Variants in FTO observed in about 807,000 individuals in gnomAD.
The protein encoded by FTO is alpha-ketoglutarate-dependent dioxygenase FTO.
In FTO, 47 loss-of-function variants were observed where a neutral mutation model predicts 63.9. The ratio of observed to expected loss-of-function variants is 0.74; its 90% CI spans 0.58 to 0.94. The LOEUF (loss-of-function observed/expected upper bound fraction) is 0.94, where lower values mean the gene tolerates loss of function less well. FTO is among the 40% of genes least tolerant of loss of function. FTO has a pLI of 0.00. For synonymous variants in FTO, 207 were observed against 224.4 expected (o/e 0.92, Z 0.69); for missense variants, 562 against 618.1 (o/e 0.91, Z 0.96).
intron 7 of FTO, among the ~76,000 whole-genome samples, chr16:53,930,043 A>G (rs2082242291): frequency 6.6e-6 from 1 of 152,044 alleles, no homozygotes; most frequent in African/African-American, 2.4e-5. Context: ...TGTTTATGTG[A>G]TTATGTCAAG....
chr16:54,092,606 C>G (rs2086416664), intron 8 of FTO, among the ~76,000 whole-genome samples: 1 of 152,162 alleles, frequency 6.6e-6, no homozygotes, highest in Non-Finnish European at 1.5e-5. Context: ...ACACTGTACC[C>G]ACCATGGAGA....
intron 4 of FTO, among the ~76,000 whole-genome samples, chr16:53,857,833 T>G (rs963197630): frequency 1.3e-5 from 2 of 152,216 alleles, no homozygotes; most frequent in Middle Eastern, 3.2e-3. Context: ...ATAAAGGTAT[T>G]CTGTGCATGG....
At chr16:54,053,682 A>G (rs1388463846) in intron 8 of FTO, among the ~76,000 whole-genome samples, 1 of 152,188 alleles carries the variant, frequency 6.6e-6, no homozygotes, top group Non-Finnish European at 1.5e-5. Flanking sequence ...AGGAAGTTAC[A>G]CGTGTAACTG....
intron 7 of FTO, among the ~76,000 whole-genome samples, chr16:53,926,221 A>G (rs2082134614): frequency 6.6e-6 from 1 of 152,128 alleles, no homozygotes; most frequent in African/African-American, 2.4e-5. Flanking sequence ...GCATATACTC[A>G]TTTTTCTTGA....
intron 7 of FTO, among the ~76,000 whole-genome samples, chr16:53,915,026 A>G (rs1402259585): frequency 6.6e-6 from 1 of 152,210 alleles, no homozygotes; most frequent in East Asian, 1.9e-4. Flanking sequence ...AACTTATTGT[A>G]AAAGAGCCAC....
chr16:53,823,253 C>G (rs2078915460), intron 2 of FTO, among the ~76,000 whole-genome samples: 2 of 152,182 alleles, frequency 1.3e-5, no homozygotes, highest in Admixed American at 1.3e-4. Context: ...GTACCCCGCC[C>G]TTCTAGAAAT....
intron 8 of FTO, among the ~76,000 whole-genome samples, chr16:54,026,810 C>T (rs1431053652): frequency 6.6e-6 from 1 of 152,136 alleles, no homozygotes; most frequent in South Asian, 2.1e-4. Flanking sequence ...TTTCTTCTTG[C>T]CCAAAACATT....
In FTO at chr16:53,789,335, C is replaced by T. The variant is rs144274289; in HGVS notation, c.46-20805C>T. Among the ~76,000 whole-genome samples the T allele has an allele frequency of 8.1e-3, 1,237 of 152,240 alleles. 21 individuals carry two copies. The highest frequency in any genetic ancestry group is 0.061 in the South Asian group (295 of 4,816). Reference sequence around the variant, plus strand: ...ACAAGTACTACTTGTCTTTTCAGAGCGCTGTCATGGAGCTGTAAGTCTCTT... The same window carrying T: ...ACAAGTACTACTTGTCTTTTCAGAGTGCTGTCATGGAGCTGTAAGTCTCTT... On this transcript the variant is annotated intron_variant, in intron 1 of 8. Coordinates refer to ENST00000471389, the MANE Select transcript of FTO (RefSeq NM_001080432.3).
At chr16:53,886,400 C>G (rs1003366745) in intron 6 of FTO, among the ~76,000 whole-genome samples, 1 of 152,200 alleles carries the variant, frequency 6.6e-6, no homozygotes, top group Non-Finnish European at 1.5e-5. Context: ...TGCTAACAGG[C>G]TCTTTCCATA....
rs1165361650 is a variant in FTO at position 54,118,224 on chromosome 16, T to G, written c.*6309T>G. On this transcript the variant is annotated 3_prime_UTR_variant, in exon 9 of 9. Transcript: ENST00000471389. Reference sequence around the variant, plus strand: ...CTAGGACAGCAAGGTGCCCTACAGGTGGGGCCAAAAGGGTCAAGACCGTTC... The same window carrying G: ...CTAGGACAGCAAGGTGCCCTACAGGGGGGGCCAAAAGGGTCAAGACCGTTC... 6.6e-6 allele frequency: 1 copy of G among 152,088 alleles called. No individual in the cohort carries two copies. Among genetic ancestry groups the G allele is most frequent in the Non-Finnish European group, 1.5e-5 (1 of 68,020 alleles). The allele number at this position is 152,088 out of a possible 1,614,324, so 9.4% of individuals were successfully genotyped here. A position where few individuals can be genotyped will look rare whatever the true frequency, so the allele number is the denominator to read the frequency against.
rs149711762 is a variant in FTO at position 53,826,052 on chromosome 16, C to T, written c.312C>T (p.Cys104=). Residue 104 remains cysteine, a synonymous_variant, in exon 3 of 9, where the codon TGC becomes TGT. Transcript: ENST00000471389. ...GCATCCTCATTGGTAATCCAGGCTG[C>T]ACCTACAAGTACCTGAACACCAGGC... ...VSRILIGNPG[C]TYKYLNTRLF... 80 of 1,614,140 alleles carry T rather than the reference C, an allele frequency of 5.0e-5. No homozygotes were observed. The highest frequency in any genetic ancestry group is 4.0e-4 in the African/African-American group (30 of 75,020).
chr16:53,823,778 C>T (rs1287956233), intron 2 of FTO, among the ~76,000 whole-genome samples: 2 of 152,168 alleles, frequency 1.3e-5, no homozygotes, highest in Non-Finnish European at 2.9e-5. Context: ...CTCAGCTACT[C>T]GGGCGGCTGA....
intron 1 of FTO, among the ~76,000 whole-genome samples, chr16:53,757,685 A>G (rs961863102): frequency 3.9e-5 from 6 of 152,150 alleles, no homozygotes. Flanking sequence ...ACACCTCTAA[A>G]GCGTTATGAT....
rs371663242 is a variant in FTO, at chr16:54,091,315, CAGA to C, written c.1365-20444_1365-20442del. On this transcript the variant is annotated intron_variant, in intron 8 of 8. Coordinates refer to ENST00000471389, the MANE Select transcript of FTO (RefSeq NM_001080432.3). ...ATCCCAGGACTTTGGGAGGCCAAGA[CAGA>C]AGGATTGCTTGAGGCCAGGATTCAA... 1.1e-4 allele frequency among the ~76,000 whole-genome samples: 17 copies of C among 152,250 alleles called. No individual in the cohort carries two copies. In the East Asian group the frequency reaches 1.7e-3, roughly 16 times the overall value.
At chr16:53,917,650 A>T (rs116965115) in intron 7 of FTO, among the ~76,000 whole-genome samples, 1,684 of 151,874 alleles carry the variant, frequency 0.011, 18 homozygotes, top group Middle Eastern at 0.031. Flanking sequence ...AAATGCACTG[A>T]TATTTCCAGT....
intron 2 of FTO, among the ~76,000 whole-genome samples, chr16:53,825,209 GTGAGTTCTC>G (rs1287082342): frequency 1.3e-5 from 2 of 152,162 alleles, no homozygotes; most frequent in Non-Finnish European, 2.9e-5. Context: ...CTGAAGAGAA[GTGAGTTCTC>G]TTTTTGTGAA....
intron 8 of FTO, among the ~76,000 whole-genome samples, chr16:53,997,035 C>G (rs1198143807): frequency 6.6e-6 from 1 of 151,822 alleles, no homozygotes; most frequent in African/African-American, 2.4e-5. Flanking sequence ...ATCACTTGAA[C>G]CCAGGAGACA....
At chr16:54,074,663 A>G (rs921680652) in intron 8 of FTO, among the ~76,000 whole-genome samples, 16 of 152,130 alleles carry the variant, frequency 1.1e-4, no homozygotes, top group African/African-American at 3.6e-4. Flanking sequence ...TTTTTTCCCT[A>G]TCATATAAAA....
intron 4 of FTO, among the ~76,000 whole-genome samples, chr16:53,869,059 T>C (rs991363213): frequency 5.3e-5 from 8 of 152,144 alleles, no homozygotes; most frequent in Admixed American, 1.3e-4. Flanking sequence ...CTTGAACTAC[T>C]GACCTCAAGC....
Sources: allele counts gnomAD v4.1 joint callset (sites outside exome capture counted in the v4.1 genomes callset), GRCh38; gene constraint gnomAD v4.1.1; transcripts MANE v1.5; gene names NCBI Gene and HGNC (gene_info 2026-07-23, HGNC 2026-07-21).